Variants in CIAO3 observed in about 807,000 individuals in gnomAD.
CIAO3 encodes the protein cytosolic iron-sulfur assembly component 3, also known as LET1 like/JFP15.
A neutral mutation model predicts 51.5 loss-of-function variants in CIAO3; 45 were observed. The observed-to-expected ratio is 0.87, with a 90% CI of 0.69 to 1.12. CIAO3 has a LOEUF of 1.12. Among genes scored for constraint, CIAO3 ranks in the 50% most tolerant of loss-of-function variants. The pLI, the probability that CIAO3 is intolerant of heterozygous loss-of-function variation, is 0.00. For missense variants in CIAO3, 668 were observed against 632.5 expected, an observed-to-expected ratio of 1.06 and a Z score of -0.60; for synonymous variants, 314 against 269.3, an observed-to-expected ratio of 1.17 and a Z score of -1.63.
intron 9 of CIAO3, 121 bp downstream of exon 9, chr16:731,444 C>T: frequency 7.3e-7 from 1 of 1,369,390 alleles, no homozygotes; most frequent in Non-Finnish European, 9.5e-7. Context: ...CCCCTCCAAA[C>T]CCTGCAGGCT....
chr16:730,355 G>C lies in CIAO3; in HGVS notation c.*62C>G. 5 of 1,508,084 alleles carry C rather than the reference G, an allele frequency of 3.3e-6. No individual in the cohort carries two copies. The highest frequency in any genetic ancestry group is 1.2e-5 in the South Asian group (1 of 85,932). The allele number at this position is 1,508,084 out of a possible 1,614,324, so 93.4% of individuals were successfully genotyped here. A position where few individuals can be genotyped will look rare whatever the true frequency, so the allele number is the denominator to read the frequency against. On this transcript the variant is annotated 3_prime_UTR_variant, in exon 11 of 11. Transcript: ENST00000251588. ...TTTTGGGGGAAGCCCTGGGGTCTTG[G>C]GGCATGTGGTTCTGCTGTCACACAT...
chr16:734,343 C>G lies in CIAO3; in HGVS notation c.579G>C (p.Trp193Cys). The G allele has an allele frequency of 6.2e-7, 1 of 1,609,220 alleles. No individual in the cohort carries two copies. The highest frequency in any genetic ancestry group is 8.5e-7 in the Non-Finnish European group (1 of 1,179,104). The change falls in exon 6 of 11, where the codon TGG becomes TGC. Residue 193 changes from tryptophan to cysteine, a missense_variant. By Grantham distance (215) the Trp-to-Cys change is radical (BLOSUM62 -2). Transcript: ENST00000251588. ...LPLLASACPG[W>C]ICYAEKTHGS... ...CGTGAGTCTTCTCGGCATAGCAGAT[C>G]CAGCCTGAGGTGACAGGGGGCACAC...
intron 2 of CIAO3, 21 bp downstream of exon 2, chr16:739,622 G>A (rs1030780038): frequency 6.2e-7 from 1 of 1,608,896 alleles, no homozygotes; most frequent in Non-Finnish European, 8.5e-7. Context: ...AGAGATGGTG[G>A]AGCAGCCTCC....
intron 7 of CIAO3, chr16:733,051 A>G: frequency 2.0e-6 from 1 of 510,020 alleles, no homozygotes; most frequent in Non-Finnish European, 3.5e-6. Flanking sequence ...ACCTCCAAAG[A>G]CTCATTTCAG....
chr16:731,263 C>A (rs2041278234), intron 9 of CIAO3: 1 of 621,596 alleles, frequency 1.6e-6, no homozygotes, highest in Middle Eastern at 4.4e-4. Flanking sequence ...GGCCCTGGCC[C>A]TCCCTCCTGG....
At chr16:740,849 G>A (rs541709820) in intron 1 of CIAO3, 71 bp downstream of exon 1, 27 of 1,405,732 alleles carry the variant, frequency 1.9e-5, no homozygotes, top group East Asian at 8.0e-5. Flanking sequence ...GAAGTGGGGC[G>A]CAGAGCAATT....
In CIAO3 at chr16:730,569, C is replaced by T; in HGVS notation, c.1279G>A (p.Val427Ile). 1 of 1,611,058 alleles carries T rather than the reference C, an allele frequency of 6.2e-7. No homozygotes were observed. Among genetic ancestry groups the T allele is most frequent in the Non-Finnish European group, 8.5e-7 (1 of 1,179,986 alleles). The change falls in exon 11 of 11, where the codon GTC becomes ATC. Residue 427 changes from valine to isoleucine, a missense_variant. Coordinates refer to ENST00000251588, the MANE Select transcript of CIAO3 (RefSeq NM_022493.3). The stretch of plus-strand genomic sequence containing the variant: ...GCGTCCTCGGGCGCCTCAGCCCGGA[C>T]CATGCCGTACAGTCTCTCCACGTGC... ...LQHVERLYGM[V>I]RAEAPEDAPG...
chr16:730,498 G>A lies in CIAO3; in HGVS notation c.1350C>T (p.Asp450=). The change falls in exon 11 of 11, where the codon GAC becomes GAT. Residue 450 remains aspartate (D), a synonymous_variant. Coordinates refer to ENST00000251588, the MANE Select transcript of CIAO3 (RefSeq NM_022493.3). ...GCAGCAAGCGACCTGCACACTCCGA[G>A]TCCGTGCCCTGCAGCCAGTGTGTGT... The part of the protein sequence containing the change: ...ELYTHWLQGT[D]SECAGRLLHT... The A allele has an allele frequency of 6.2e-7, 1 of 1,610,032 alleles. No individual in the cohort carries two copies. Among genetic ancestry groups the A allele is most frequent in the East Asian group, 2.2e-5 (1 of 44,886 alleles).
intron 10 of CIAO3, 93 bp from the exon 11 acceptor site, chr16:730,748 G>A: frequency 1.3e-6 from 2 of 1,581,586 alleles, no homozygotes; most frequent in South Asian, 1.1e-5. Flanking sequence ...GGCCCCCTCT[G>A]TGCCCCACTT....
At position 730,240 on chromosome 16, in the gene CIAO3, G is replaced by A; in HGVS notation, c.*177C>T. The stretch of plus-strand genomic sequence containing the variant: ...GGGCAGAGCCAGTGGGAACCCAGAG[G>A]CACCCAACTGGAGGTGACGAGGCGG... On this transcript the variant is annotated 3_prime_UTR_variant, in exon 11 of 11. Transcript: ENST00000251588. The A allele has an allele frequency of 1.5e-6, 1 of 648,136 alleles. No individual in the cohort carries two copies. The highest frequency in any genetic ancestry group is 2.6e-6 in the Non-Finnish European group (1 of 378,760). 40.1% of individuals were successfully genotyped at this position (648,136 alleles called of 1,614,324 possible).
rs2041251206 is a variant in CIAO3, at chr16:729,903, CCT to C, written c.*512_*513del. On this transcript the variant is annotated 3_prime_UTR_variant, in exon 11 of 11. Transcript: ENST00000251588. Reference sequence around the variant, plus strand: ...GGACCACAGCCTCGTAACGGTAACCCCTGCTTTCCAGGGGCCTGGCACCCCCC... The same window carrying C: ...GGACCACAGCCTCGTAACGGTAACCCGCTTTCCAGGGGCCTGGCACCCCCC... The C allele has an allele frequency of 2.7e-6, 1 of 373,992 alleles. No individual in the cohort carries two copies. Among genetic ancestry groups the C allele is most frequent in the Non-Finnish European group, 4.8e-6 (1 of 207,592 alleles). 23.2% of individuals were successfully genotyped at this position (373,992 alleles called of 1,614,324 possible).
intron 1 of CIAO3, chr16:740,604 T>C (rs2041380750): frequency 2.2e-6 from 1 of 464,518 alleles, no homozygotes; most frequent in Non-Finnish European, 3.9e-6. Flanking sequence ...CCGCCTCTGC[T>C]GCCTCCTCTG....
At chr16:731,891 C>G in intron 8 of CIAO3, 189 bp from the exon 9 acceptor site, 1 of 748,274 alleles carries the variant, frequency 1.3e-6, no homozygotes, top group Non-Finnish European at 2.0e-6. Context: ...TTTTTTGAGA[C>G]GGAGTCTTGC....
intron 1 of CIAO3, 94 bp from the exon 2 acceptor site, chr16:739,832 C>G (rs1429358348): frequency 1.1e-5 from 15 of 1,369,708 alleles, no homozygotes; most frequent in Non-Finnish European, 1.5e-5. Context: ...GCCGCACAGC[C>G]TGAAGGCTCT....
intron 1 of CIAO3, 167 bp downstream of exon 1, chr16:740,753 G>A (rs2041381921): frequency 6.5e-6 from 4 of 611,614 alleles, no homozygotes; most frequent in Non-Finnish European, 1.1e-5. Flanking sequence ...GCGGGCCTCA[G>A]TGTCTGAGGC....
rs759903652 is a variant in CIAO3 at position 730,808 on chromosome 16, A to G, written c.1192+35T>C. The G allele has an allele frequency of 1.2e-5, 19 of 1,608,026 alleles. No individual in the cohort carries two copies. The South Asian group carries it at 2.1e-4, about 18-fold the overall frequency. On this transcript the variant is annotated intron_variant, in intron 10 of 10. Transcript: ENST00000251588. ...GGTGGCCCACAGCTCTGCTCCCAGA[A>G]GGGGTCCTCGTGTCCTGTCCCTTGC...
rs187786229 is a variant in CIAO3, at chr16:734,431, C to T, written c.575-84G>A. The T allele has an allele frequency of 3.1e-4, 306 of 991,468 alleles. No individual in the cohort carries two copies. In the South Asian group the frequency reaches 3.2e-3, roughly 10 times the overall value. 61.4% of individuals were successfully genotyped at this position (991,468 alleles called of 1,614,324 possible). ...AGGCAGCAGCACGACATTCTGGGGG[C>T]GGGCCCGCTCATACAGGAGATCATG... is the stretch of plus-strand genomic sequence containing the variant. On this transcript the variant is annotated intron_variant, in intron 5 of 10. Transcript: ENST00000251588.
In CIAO3 at chr16:737,179, T is replaced by C. The variant is rs1019341452; in HGVS notation, c.306+7A>G. The C allele has an allele frequency of 6.2e-7, 1 of 1,613,672 alleles. No individual in the cohort carries two copies. The highest frequency in any genetic ancestry group is 8.5e-7 in the Non-Finnish European group (1 of 1,179,984). On this transcript the variant is annotated splice_region_variant and intron_variant, in intron 3 of 10. Transcript: ENST00000251588. The surrounding 1 kb of genome is among the most constrained non-coding windows in gnomAD (Gnocchi z 5.3). ...AAAGCAGAGTCACCAGGCCGACCAC[T>C]GCTTACCTTGTTAGCATCTAGAACC...
Position 730,294 on chromosome 16 carries a change from A to T in CIAO3, c.*123T>A. ...CGGGTCCTGGCTAGTCCTAGCTCCT[A>T]CTCGGGTCCCAGCACACCCTGCAGC... On this transcript the variant is annotated 3_prime_UTR_variant, in exon 11 of 11. Transcript: ENST00000251588. 1 of 1,000,814 alleles carries T rather than the reference A, an allele frequency of 1.0e-6. No individual in the cohort carries two copies. The highest frequency in any genetic ancestry group is 1.5e-6 in the Non-Finnish European group (1 of 667,514). 62.0% of individuals were successfully genotyped at this position (1,000,814 alleles called of 1,614,324 possible).
Sources: gnomAD v4.1 joint callset for allele counts on GRCh38, gnomAD v4.1.1 for gene constraint, Gnocchi (gnomAD v3.1) non-coding constraint, MANE v1.5 for transcripts, NCBI Gene and HGNC (gene_info 2026-07-23, HGNC 2026-07-21) for gene names.